The following SCHIP1 variants were observed in gnomAD, a reference collection of about 807,000 sequenced individuals.
The protein encoded by SCHIP1 is schwannomin interacting protein 1.
SCHIP1 carries 8 observed loss-of-function variants against 29.7 expected under a neutral mutation model. That is an observed-to-expected ratio of 0.27 (90% CI 0.16 to 0.49). The LOEUF (loss-of-function observed/expected upper bound fraction) is 0.49. SCHIP1 is among the 20% of genes least tolerant of loss of function. The pLI, the probability that SCHIP1 is intolerant of heterozygous loss-of-function variation, is 0.99. For synonymous variants in SCHIP1, 76 were observed against 94.9 expected, an observed-to-expected ratio of 0.80 and a Z score of 1.16; for missense variants, 193 against 294.6, an observed-to-expected ratio of 0.66 and a Z score of 2.52.
chr3:159,654,291 C>T, the SCHIP1 span, among the ~76,000 whole-genome samples: 1 of 152,110 alleles, frequency 6.6e-6, no homozygotes, highest in African/African-American at 2.4e-5. Flanking sequence ...CATTCTCTCT[C>T]CTATTCATCA....
chr3:159,325,106 C>T, the SCHIP1 span, among the ~76,000 whole-genome samples: 1 of 152,092 alleles, frequency 6.6e-6, no homozygotes, highest in Non-Finnish European at 1.5e-5. Flanking sequence ...ATGTCCTACA[C>T]TGTAGACAGT....
At chr3:159,377,429 G>T in the SCHIP1 span, among the ~76,000 whole-genome samples, 2 of 152,158 alleles carry the variant, frequency 1.3e-5, no homozygotes, top group African/African-American at 4.8e-5. Flanking sequence ...CAAATGATTT[G>T]TTGTAATCTA....
intron 5 of SCHIP1, among the ~76,000 whole-genome samples, chr3:159,890,825 C>A (rs1037863310): frequency 2.0e-5 from 3 of 151,880 alleles, no homozygotes; most frequent in African/African-American, 7.3e-5. Context: ...GACCTAAAGG[C>A]AGATAAATGC....
chr3:159,445,945 G>A, the SCHIP1 span, among the ~76,000 whole-genome samples: 1 of 151,412 alleles, frequency 6.6e-6, no homozygotes, highest in African/African-American at 2.4e-5. Flanking sequence ...GTTAATGGGT[G>A]CAGCACACCA....
the SCHIP1 span, among the ~76,000 whole-genome samples, chr3:159,476,513 A>G: frequency 6.6e-6 from 1 of 152,174 alleles, no homozygotes; most frequent in Non-Finnish European, 1.5e-5. Flanking sequence ...CTTTTATAAG[A>G]GTAGACTCAG....
chr3:159,681,847 G>A, the SCHIP1 span, among the ~76,000 whole-genome samples: 2 of 151,276 alleles, frequency 1.3e-5, no homozygotes, highest in African/African-American at 4.8e-5. Context: ...TTAACTCAAC[G>A]TTAACTTAGG....
intron 2 of SCHIP1, among the ~76,000 whole-genome samples, chr3:159,880,965 CA>C (rs1389254024): frequency 6.6e-6 from 1 of 152,032 alleles, no homozygotes; most frequent in African/African-American, 2.4e-5. Context: ...TTCTGTAACT[CA>C]AGGTAAATAT....
At chr3:159,637,421 A>C in the SCHIP1 span, among the ~76,000 whole-genome samples, 213 of 136,594 alleles carry the variant, frequency 1.6e-3, no homozygotes, top group African/African-American at 5.7e-3. Flanking sequence ...ACACACACAC[A>C]CCTGACTCTT....
chr3:159,482,851 C>T, the SCHIP1 span, among the ~76,000 whole-genome samples: 1 of 152,044 alleles, frequency 6.6e-6, no homozygotes, highest in Non-Finnish European at 1.5e-5. Context: ...TGGCAATGCC[C>T]AACAGTGAGT....
chr3:159,750,280 TATATATATATATATATACAC>T, the SCHIP1 span, among the ~76,000 whole-genome samples: 2 of 25,018 alleles, frequency 8.0e-5, no homozygotes, highest in African/African-American at 1.7e-4. Flanking sequence ...TATATATATA[TATATATATATATATATACAC>T]ACACACACAC....
chr3:159,588,204 T>C, the SCHIP1 span, among the ~76,000 whole-genome samples: 1 of 152,240 alleles, frequency 6.6e-6, no homozygotes, highest in South Asian at 2.1e-4. Flanking sequence ...TTGATTTGCA[T>C]TTCTCTGATG....
the SCHIP1 span, among the ~76,000 whole-genome samples, chr3:159,786,701 G>A: frequency 8.9e-5 from 13 of 146,434 alleles, no homozygotes; most frequent in South Asian, 2.3e-4. Flanking sequence ...GTGTGTCTGC[G>A]CGTGTGCACT....
upstream of SCHIP1, among the ~76,000 whole-genome samples, chr3:159,838,876 G>A (rs1279999242): frequency 1.3e-5 from 2 of 149,300 alleles, no homozygotes; most frequent in African/African-American, 4.9e-5. Context: ...ACTCCAGCCT[G>A]GGCAACAGAG....
chr3:159,470,450 T>C, the SCHIP1 span, among the ~76,000 whole-genome samples: 1 of 152,156 alleles, frequency 6.6e-6, no homozygotes, highest in African/African-American at 2.4e-5. Flanking sequence ...ATTTCTGTAT[T>C]CTATACTGTT....
At chr3:159,742,962 C>T in the SCHIP1 span, among the ~76,000 whole-genome samples, 6 of 151,070 alleles carry the variant, frequency 4.0e-5, no homozygotes, top group South Asian at 4.2e-4. Context: ...GCTGGGATTA[C>T]GGGTATGAGC....
At chr3:159,465,383 GAGAA>G in the SCHIP1 span, among the ~76,000 whole-genome samples, 36 of 151,564 alleles carry the variant, frequency 2.4e-4, no homozygotes, top group African/African-American at 7.8e-4. Flanking sequence ...GAGAAAGAGA[GAGAA>G]AGAGAGACCA....
chr3:159,283,024 A>C, the SCHIP1 span, among the ~76,000 whole-genome samples: 1 of 152,164 alleles, frequency 6.6e-6, no homozygotes, highest in Non-Finnish European at 1.5e-5. Context: ...AAGAACTGAT[A>C]CCTTTGCAAA....
At chr3:159,764,982 G>C in the SCHIP1 span, 2 of 1,516,048 alleles carry the variant, frequency 1.3e-6, no homozygotes, top group South Asian at 2.5e-5. The surrounding 1 kb of genome is among the most constrained non-coding windows in gnomAD (Gnocchi z 6.1). Context: ...CGGCTGGGGG[G>C]CTCTGCCTTC....
chr3:159,567,380 T>G, the SCHIP1 span, among the ~76,000 whole-genome samples: 1 of 152,214 alleles, frequency 6.6e-6, no homozygotes, highest in African/African-American at 2.4e-5. Context: ...TCATCCTTTT[T>G]TTCTTGAGAA....
Sources: gnomAD v4.1 joint callset for allele counts (sites outside exome capture counted in the v4.1 genomes callset) on GRCh38, gnomAD v4.1.1 for gene constraint, Gnocchi (gnomAD v3.1) non-coding constraint, MANE v1.5 for transcripts, NCBI Gene and HGNC (gene_info 2026-07-23, HGNC 2026-07-21) for gene names.